CAMTA1: variants seen among roughly 807,000 people sequenced by gnomAD.
The protein encoded by CAMTA1 is calmodulin-binding transcription activator 1.
Under a neutral mutation model 170.9 loss-of-function variants are expected in CAMTA1, and 27 were observed. That is an observed-to-expected ratio of 0.16 (90% confidence interval 0.12 to 0.22). The LOEUF (loss-of-function observed/expected upper bound fraction) is 0.22, where lower values mean the gene tolerates loss of function less well. Among genes scored for constraint, CAMTA1 ranks in the 10% least tolerant of loss-of-function variants. CAMTA1 has a pLI of 1.00. For missense variants in CAMTA1, 1,619 were observed against 2,217.2 expected (o/e 0.73, Z 5.42); for synonymous variants, 833 against 891.5 (o/e 0.93, Z 1.17).
At chr1:6,991,351 A>G (rs1017115351) in intron 3 of CAMTA1, among the ~76,000 whole-genome samples, 2 of 152,132 alleles carry the variant, frequency 1.3e-5, no homozygotes, top group Non-Finnish European at 2.9e-5. Context: ...TCCACCAGCA[A>G]TGTATGAGGA....
intron 5 of CAMTA1, among the ~76,000 whole-genome samples, chr1:7,399,533 A>G (rs1034474009): frequency 6.6e-6 from 1 of 152,228 alleles, no homozygotes; most frequent in Non-Finnish European, 1.5e-5. Context: ...ACAGTAATAT[A>G]GTATTCTGAA....
At chr1:6,961,655 G>T (rs115686243) in intron 3 of CAMTA1, among the ~76,000 whole-genome samples, 1 of 152,138 alleles carries the variant, frequency 6.6e-6, no homozygotes, top group East Asian at 1.9e-4. Flanking sequence ...ATATTCACTG[G>T]CAGTGACCTT....
chr1:7,144,879 C>T lies in CAMTA1; in HGVS notation c.302+53508C>T, dbSNP rs1045729091. Among the ~76,000 whole-genome samples, 5 of 152,220 alleles carry T rather than the reference C, an allele frequency of 3.3e-5. No individual in the cohort carries two copies. Among genetic ancestry groups the T allele is most frequent in the African/African-American group, 7.2e-5 (3 of 41,458 alleles). ...TTCAACTTTAAGCTGGTCATTTGTCCTCCACAACTACCTGGTGAGGCAGCA... is the reference window on the plus strand; with the variant it reads ...TTCAACTTTAAGCTGGTCATTTGTCTTCCACAACTACCTGGTGAGGCAGCA... On this transcript the variant is annotated intron_variant, in intron 4 of 22. Transcript: ENST00000303635. The surrounding 1 kb of genome is among the most constrained non-coding windows in gnomAD (Gnocchi z 4.0).
At chr1:7,688,252 G>A (rs1201992543) in intron 11 of CAMTA1, among the ~76,000 whole-genome samples, 7 of 152,006 alleles carry the variant, frequency 4.6e-5, no homozygotes, top group African/African-American at 7.2e-5. Context: ...TGATCCACCT[G>A]CCTCGGCCTC....
intron 6 of CAMTA1, among the ~76,000 whole-genome samples, chr1:7,549,255 G>A (rs1033335825): frequency 1.3e-5 from 2 of 151,810 alleles, no homozygotes; most frequent in African/African-American, 4.8e-5. Context: ...TAGGGGTGGA[G>A]GTGCCCATGG....
intron 6 of CAMTA1, among the ~76,000 whole-genome samples, chr1:7,577,997 A>G (rs2095218044): frequency 1.3e-5 from 2 of 152,220 alleles, no homozygotes; most frequent in African/African-American, 2.4e-5. Flanking sequence ...TTCAGGGAAC[A>G]CTGGGTACAA....
chr1:7,515,594 C>G (rs1381705232), intron 6 of CAMTA1, among the ~76,000 whole-genome samples: 1 of 152,156 alleles, frequency 6.6e-6, no homozygotes, highest in African/African-American at 2.4e-5. Flanking sequence ...GCCTCTTAGC[C>G]AGGATGACTT....
chr1:7,438,426 A>G (rs930126344), intron 5 of CAMTA1, among the ~76,000 whole-genome samples: 1 of 152,116 alleles, frequency 6.6e-6, no homozygotes, highest in Admixed American at 6.5e-5. Context: ...TGTGACTTTG[A>G]GCTGGTCTCG....
Position 6,811,780 on chromosome 1 carries a change from G to A in CAMTA1, c.46-8401G>A, listed in dbSNP as rs181608703. On this transcript the variant is annotated intron_variant, in intron 1 of 22. Coordinates refer to ENST00000303635, the MANE Select transcript of CAMTA1 (RefSeq NM_015215.4). ...TTCCTTCCTAGTTCTGGCTGTGTTC[G>A]GATTAAGGGAGGTTCCCAGATAGCC... 1.9e-3 allele frequency among the ~76,000 whole-genome samples: 294 copies of A among 152,296 alleles called. 1 individual carries two copies. The highest frequency in any genetic ancestry group is 6.6e-3 in the African/African-American group (275 of 41,540).
chr1:7,453,564 G>A (rs1212066310), intron 5 of CAMTA1, among the ~76,000 whole-genome samples: 1 of 152,218 alleles, frequency 6.6e-6, no homozygotes, highest in East Asian at 1.9e-4. Flanking sequence ...AGCCAAACAG[G>A]CCTTCCCTGG....
At chr1:7,742,308 T>C (rs896374809) in intron 16 of CAMTA1, among the ~76,000 whole-genome samples, 2 of 152,030 alleles carry the variant, frequency 1.3e-5, no homozygotes, top group African/African-American at 2.4e-5. Context: ...CAAGTAGATA[T>C]GAAAAGCATA....
Position 7,271,536 on chromosome 1 carries a change from C to G in CAMTA1, c.438+21910C>G, listed in dbSNP as rs1669794862. Among the ~76,000 whole-genome samples, 3 of 150,802 alleles carry G rather than the reference C, an allele frequency of 2.0e-5. No individual in the cohort carries two copies. In the South Asian group the frequency reaches 6.3e-4, roughly 32 times the overall value. On this transcript the variant is annotated intron_variant, in intron 5 of 22. Coordinates refer to ENST00000303635, the MANE Select transcript of CAMTA1 (RefSeq NM_015215.4). ...TTGATACTCTCAAATATCAACAAAA[C>G]TGGTAAACTGTTAATTACACTGAGA...
At chr1:7,226,858 A>T (rs1264403358) in intron 4 of CAMTA1, among the ~76,000 whole-genome samples, 3 of 151,354 alleles carry the variant, frequency 2.0e-5, no homozygotes, top group Admixed American at 2.0e-4. Context: ...TTTGAGATGG[A>T]GTCTCGCTCT....
At chr1:7,643,962 C>T (rs1449644059) in intron 7 of CAMTA1, among the ~76,000 whole-genome samples, 2 of 152,216 alleles carry the variant, frequency 1.3e-5, no homozygotes, top group East Asian at 1.9e-4. Flanking sequence ...CAGAATCAGG[C>T]GGGTCACCCA....
chr1:6,832,419 G>A (rs1041961317), intron 3 of CAMTA1, among the ~76,000 whole-genome samples: 1 of 151,998 alleles, frequency 6.6e-6, no homozygotes, highest in African/African-American at 2.4e-5. Context: ...TTTTGGTGTC[G>A]ATACATAATC....
intron 6 of CAMTA1, among the ~76,000 whole-genome samples, chr1:7,499,528 AGT>A (rs144491150): frequency 7.6e-3 from 385 of 50,662 alleles, no homozygotes; most frequent in African/African-American, 0.027. Context: ...TATGTATATG[AGT>A]GTGTGTGTGT....
intron 2 of CAMTA1, 44 bp from the exon 3 acceptor site, chr1:6,825,048 T>C (rs761250458): frequency 8.4e-7 from 1 of 1,183,924 alleles, no homozygotes; most frequent in Non-Finnish European, 1.2e-6. Flanking sequence ...TAAAGGAGAT[T>C]TTATCTATTA....
intron 7 of CAMTA1, among the ~76,000 whole-genome samples, chr1:7,650,785 G>A (rs376621319): frequency 5.3e-5 from 8 of 152,204 alleles, no homozygotes; most frequent in Admixed American, 1.3e-4. Flanking sequence ...TGGTGAGATC[G>A]GGAAATTGAA....
chr1:7,738,615 C>T lies in CAMTA1; in HGVS notation c.4182+133C>T, dbSNP rs1054349228. On this transcript the variant is annotated intron_variant, in intron 16 of 22. Coordinates refer to ENST00000303635, the MANE Select transcript of CAMTA1 (RefSeq NM_015215.4). The surrounding 1 kb of genome is among the most constrained non-coding windows in gnomAD (Gnocchi z 4.9). The stretch of plus-strand genomic sequence containing the variant: ...TCGAAGTTGGCTTTGTGCAGAACAT[C>T]GTTGGAGTATCTTCTTTCCTTGGGG... The T allele has an allele frequency of 1.9e-5, 18 of 932,660 alleles. No individual in the cohort carries two copies. The highest frequency in any genetic ancestry group is 6.7e-5 in the African/African-American group (4 of 60,014). The allele number at this position is 932,660 out of a possible 1,614,324, so 57.8% of individuals were successfully genotyped here. A position where few individuals can be genotyped will look rare whatever the true frequency, so the allele number is the denominator to read the frequency against.
Sources: gnomAD v4.1 joint callset for allele counts (sites outside exome capture counted in the v4.1 genomes callset) on GRCh38, gnomAD v4.1.1 for gene constraint, Gnocchi (gnomAD v3.1) non-coding constraint, MANE v1.5 for transcripts, NCBI Gene and HGNC (gene_info 2026-07-23, HGNC 2026-07-21) for gene names.